The following DNM3 variants were observed in gnomAD, a reference collection of about 807,000 sequenced individuals.
The protein encoded by DNM3 is dynamin 3.
DNM3 carries 47 observed loss-of-function variants against 101.6 expected under a neutral mutation model. The ratio of observed to expected loss-of-function variants is 0.46; its 90% CI spans 0.37 to 0.59. The LOEUF is 0.59. Among genes scored for constraint, DNM3 ranks in the 20% least tolerant of loss-of-function variants. The pLI is 0.00. For missense variants in DNM3, 849 were observed against 1,085.7 expected, an observed-to-expected ratio of 0.78 and a Z score of 3.06; for synonymous variants, 385 against 387.9, an observed-to-expected ratio of 0.99 and a Z score of 0.09.
intron 15 of DNM3, among the ~76,000 whole-genome samples, chr1:172,293,821 A>G (rs918041988): frequency 5.3e-5 from 8 of 152,208 alleles, no homozygotes; most frequent in African/African-American, 1.9e-4. Context: ...GAGGAAAAAA[A>G]AATTAAGATT....
At chr1:172,262,101 G>A (rs141326558) in intron 15 of DNM3, among the ~76,000 whole-genome samples, 2 of 152,290 alleles carry the variant, frequency 1.3e-5, no homozygotes, top group African/African-American at 4.8e-5. Flanking sequence ...GCTATCTGTA[G>A]CCCTTCTACT....
chr1:172,069,562 C>T (rs2051990905), intron 11 of DNM3, among the ~76,000 whole-genome samples: 2 of 152,068 alleles, frequency 1.3e-5, no homozygotes, highest in Non-Finnish European at 2.9e-5. Context: ...TAAAGGACTA[C>T]GTGGAAAGAA....
In DNM3 at chr1:172,107,101, C is replaced by T. The variant is rs180694537; in HGVS notation, c.1545+14226C>T. On this transcript the variant is annotated intron_variant, in intron 13 of 20. Transcript: ENST00000627582. ...GGTCTCGATCTCCTGACCTCATGAT[C>T]CACCCGCCTCGGCCTCCCAAAGTGC... Among the ~76,000 whole-genome samples the T allele has an allele frequency of 8.3e-3, 1,253 of 150,772 alleles. 26 individuals are homozygous for T. Among genetic ancestry groups the T allele is most frequent in the African/African-American group, 0.029 (1,171 of 41,046 alleles).
chr1:172,288,667 A>G (rs571042312), intron 15 of DNM3, among the ~76,000 whole-genome samples: 3 of 152,294 alleles, frequency 2.0e-5, no homozygotes, highest in East Asian at 3.9e-4. Flanking sequence ...CTGATTGGAA[A>G]TGAGGTAGGG....
At chr1:172,153,988 G>GA (rs1467645290) in intron 14 of DNM3, among the ~76,000 whole-genome samples, 1 of 151,972 alleles carries the variant, frequency 6.6e-6, no homozygotes, top group African/African-American at 2.4e-5. Context: ...AACATATATA[G>GA]ACCTTATCGT....
At chr1:171,981,972 T>C (rs1012130761) in intron 2 of DNM3, among the ~76,000 whole-genome samples, 13 of 152,188 alleles carry the variant, frequency 8.5e-5, no homozygotes, top group Admixed American at 7.9e-4. Context: ...ACTACTCACA[T>C]TGATGCTGGG....
At position 172,356,240 on chromosome 1, in the gene DNM3, TG is replaced by T. The variant is rs547844697; in HGVS notation, c.1894-22775del. ...TCCAGAAGGAACATGGACAAAGAAG[TG>T]GGTAAACATTTAGGTAAATCTAAGC... On this transcript the variant is annotated intron_variant, in intron 17 of 20. Transcript: ENST00000627582. Among the ~76,000 whole-genome samples the T allele has an allele frequency of 2.2e-3, 328 of 152,150 alleles. 2 individuals carry two copies. The highest frequency in any genetic ancestry group is 4.1e-3 in the Non-Finnish European group (276 of 67,964).
chr1:172,138,804 G>T, intron 14 of DNM3: 2 of 440,588 alleles, frequency 4.5e-6, no homozygotes, highest in South Asian at 1.7e-5. Flanking sequence ...ATTCAGGCTG[G>T]GTTGTCATGT....
At chr1:172,368,802 T>C (rs1299770299) in intron 17 of DNM3, among the ~76,000 whole-genome samples, 3 of 151,698 alleles carry the variant, frequency 2.0e-5, no homozygotes, top group Non-Finnish European at 4.4e-5. Context: ...AAAAGAAATA[T>C]TACAACTGAT....
chr1:172,073,335 G>A (rs891072609), intron 11 of DNM3, among the ~76,000 whole-genome samples: 3 of 151,612 alleles, frequency 2.0e-5, no homozygotes, highest in Non-Finnish European at 4.4e-5. Flanking sequence ...GTGCATATGT[G>A]TACATATTTG....
At chr1:172,279,997 C>T (rs1429774977) in intron 15 of DNM3, among the ~76,000 whole-genome samples, 1 of 152,170 alleles carries the variant, frequency 6.6e-6, no homozygotes, top group Non-Finnish European at 1.5e-5. Context: ...CTATGAGCCC[C>T]TCCATTGTCT....
intron 15 of DNM3, among the ~76,000 whole-genome samples, chr1:172,259,517 C>G (rs11590165): frequency 0.36 from 55,180 of 151,924 alleles, 12,378 homozygotes; most frequent in Non-Finnish European, 0.47. Flanking sequence ...AATTTTGTCA[C>G]TTTTTATTAC....
intron 4 of DNM3, among the ~76,000 whole-genome samples, chr1:171,992,635 T>G (rs1201385613): frequency 6.6e-6 from 1 of 152,072 alleles, no homozygotes; most frequent in Non-Finnish European, 1.5e-5. Context: ...GCTCCACCAT[T>G]TACAGACCTA....
chr1:172,149,224 G>GTAT (rs2058037045), intron 14 of DNM3, among the ~76,000 whole-genome samples: 1 of 152,088 alleles, frequency 6.6e-6, no homozygotes, highest in African/African-American at 2.4e-5. Flanking sequence ...ACCAAAAGCA[G>GTAT]TATATATTTT....
intron 17 of DNM3, among the ~76,000 whole-genome samples, chr1:172,347,003 G>T (rs942632406): frequency 1.3e-5 from 2 of 152,144 alleles, no homozygotes; most frequent in African/African-American, 4.8e-5. Context: ...AAATTATATT[G>T]TATTGACCTT....
intron 4 of DNM3, among the ~76,000 whole-genome samples, chr1:172,019,203 CTTTT>C (rs1049052868): frequency 6.8e-6 from 1 of 146,558 alleles, no homozygotes; most frequent in African/African-American, 2.5e-5. Flanking sequence ...CTTTTCCTTT[CTTTT>C]TTCTTTTCTT....
chr1:172,223,053 C>A (rs2060967932), intron 14 of DNM3, among the ~76,000 whole-genome samples: 1 of 151,994 alleles, frequency 6.6e-6, no homozygotes, highest in South Asian at 2.1e-4. Context: ...TATCCATCAC[C>A]TCAAACATTT....
chr1:171,945,761 C>T (rs187802691), intron 2 of DNM3, among the ~76,000 whole-genome samples: 16 of 152,020 alleles, frequency 1.1e-4, no homozygotes, highest in East Asian at 3.9e-4. Flanking sequence ...TGGGGATTGG[C>T]GTGGGATGTT....
chr1:171,890,414 A>G (rs1057306682), intron 1 of DNM3, among the ~76,000 whole-genome samples: 2 of 152,224 alleles, frequency 1.3e-5, no homozygotes, highest in Non-Finnish European at 2.9e-5. Context: ...GAGATAAAGC[A>G]TAACCGAGTT....
Sources: gnomAD v4.1 joint callset for allele counts (sites outside exome capture counted in the v4.1 genomes callset) on GRCh38, gnomAD v4.1.1 for gene constraint, MANE v1.5 for transcripts, NCBI Gene and HGNC (gene_info 2026-07-23, HGNC 2026-07-21) for gene names.